Variants in RTN4RL2 observed in about 807,000 individuals in gnomAD.
The protein encoded by RTN4RL2 is reticulon 4 receptor like 2.
In RTN4RL2, 9 loss-of-function variants were observed where a neutral mutation model predicts 27.8. The observed-to-expected ratio is 0.32, with a 90% CI of 0.20 to 0.57. The LOEUF is 0.57. Ranked by LOEUF, RTN4RL2 falls within the 20% of genes least tolerant of loss-of-function variation. The pLI, the probability that RTN4RL2 is intolerant of heterozygous loss-of-function variation, is 0.90. For missense variants in RTN4RL2, 436 were observed against 596.8 expected (o/e 0.73, Z 2.81); for synonymous variants, 285 against 297.9 (o/e 0.96, Z 0.45).
intron 2 of RTN4RL2, among the ~76,000 whole-genome samples, chr11:57,472,875 G>C (rs1024080588): frequency 6.6e-6 from 1 of 152,210 alleles, no homozygotes. Flanking sequence ...TCTGACTCCA[G>C]AGTGCAGTTG....
chr11:57,464,102 G>C (rs1337295046), intron 1 of RTN4RL2, among the ~76,000 whole-genome samples: 3 of 152,258 alleles, frequency 2.0e-5, no homozygotes, highest in Admixed American at 6.5e-5. Flanking sequence ...GCTCTTCAGA[G>C]AGCCTGCAGG....
At chr11:57,465,835 A>G (rs1312454477) in intron 1 of RTN4RL2, among the ~76,000 whole-genome samples, 3 of 151,406 alleles carry the variant, frequency 2.0e-5, no homozygotes, top group African/African-American at 7.3e-5. Flanking sequence ...CCAACCTTCA[A>G]AAGTTACTTT....
At chr11:57,468,570 G>A (rs1482896599) in intron 2 of RTN4RL2, 2 of 1,536,678 alleles carry the variant, frequency 1.3e-6, no homozygotes, top group Non-Finnish European at 1.7e-6. Flanking sequence ...AGGGTCCCCT[G>A]CCCAAAGGCC....
At chr11:57,465,034 CGCACCGACGCA>C (rs959601466) in intron 1 of RTN4RL2, among the ~76,000 whole-genome samples, 149 of 152,288 alleles carry the variant, frequency 9.8e-4, no homozygotes, top group African/African-American at 2.8e-3. Flanking sequence ...ACAGCCAGCA[CGCACCGACGCA>C]GCACCGACGC....
intron 2 of RTN4RL2, among the ~76,000 whole-genome samples, chr11:57,472,274 C>T (rs1224999958): frequency 3.9e-5 from 6 of 151,926 alleles, no homozygotes; most frequent in Admixed American, 6.6e-5. Context: ...AGTGCAGTGG[C>T]GCAATCTTGG....
intron 2 of RTN4RL2, 62 bp downstream of exon 2, chr11:57,468,152 T>G: frequency 6.6e-7 from 1 of 1,521,570 alleles, no homozygotes; most frequent in Non-Finnish European, 8.8e-7. Context: ...TGGGCCCCTC[T>G]GCTCCCCGAC....
At chr11:57,464,492 G>C (rs1192432289) in intron 1 of RTN4RL2, among the ~76,000 whole-genome samples, 1 of 152,178 alleles carries the variant, frequency 6.6e-6, no homozygotes, top group African/African-American at 2.4e-5. Flanking sequence ...AGAAGGATTT[G>C]GCTTCTTTTG....
chr11:57,468,232 A>G (rs750839523), intron 2 of RTN4RL2, 142 bp downstream of exon 2: 7 of 923,502 alleles, frequency 7.6e-6, no homozygotes, highest in Admixed American at 2.4e-5. Flanking sequence ...CTCTCTGTCT[A>G]TGTCTCTTTT....
chr11:57,464,186 G>T (rs1411068538), intron 1 of RTN4RL2, among the ~76,000 whole-genome samples: 1 of 152,192 alleles, frequency 6.6e-6, no homozygotes, highest in Non-Finnish European at 1.5e-5. Flanking sequence ...GGAGAGTGGG[G>T]AAAGAGAAGA....
chr11:57,464,118 C>T (rs541965042), intron 1 of RTN4RL2, among the ~76,000 whole-genome samples: 1 of 152,338 alleles, frequency 6.6e-6, no homozygotes, highest in African/African-American at 2.4e-5. Context: ...GCAGGGACCA[C>T]TATCATGGGC....
At position 57,476,043 on chromosome 11, in the gene RTN4RL2, C is replaced by T. The variant is rs542775493; in HGVS notation, c.514-119C>T. 512 of 970,026 alleles carry T rather than the reference C, an allele frequency of 5.3e-4. 5 individuals are homozygous for T. Among genetic ancestry groups the T allele is most frequent in the Non-Finnish European group, 5.3e-5 (34 of 640,710 alleles). The allele number at this position is 970,026 out of a possible 1,614,324, so 60.1% of individuals were successfully genotyped here. On this transcript the variant is annotated intron_variant, in intron 2 of 2. Transcript: ENST00000335099. The surrounding 1 kb of genome is among the most constrained non-coding windows in gnomAD (Gnocchi z 8.2). ...TCCAGGATGCTATGAATCAAAAGGTCAACCCTTTCTCTTCTGCCACGGTGC... is the reference window on the plus strand; with the variant it reads ...TCCAGGATGCTATGAATCAAAAGGTTAACCCTTTCTCTTCTGCCACGGTGC...
chr11:57,470,644 TAATAATAATTACTACTACTAC>T (rs2073162574), intron 2 of RTN4RL2, among the ~76,000 whole-genome samples: 1 of 150,350 alleles, frequency 6.7e-6, no homozygotes. Flanking sequence ...ATGGGCACTA[TAATAATAATTACTACTACTAC>T]TACTACTAAT....
intron 1 of RTN4RL2, among the ~76,000 whole-genome samples, chr11:57,464,632 C>A (rs944277523): frequency 6.6e-6 from 1 of 152,160 alleles, no homozygotes; most frequent in East Asian, 1.9e-4. Flanking sequence ...TTGGGTAAGT[C>A]GCTTGCTCTC....
chr11:57,470,822 T>G (rs1331905718), intron 2 of RTN4RL2, among the ~76,000 whole-genome samples: 1 of 152,190 alleles, frequency 6.6e-6, no homozygotes, highest in Non-Finnish European at 1.5e-5. Flanking sequence ...CTTATTTAAC[T>G]TTAAGCAGGT....
At chr11:57,469,450 AT>A (rs370434265) in intron 2 of RTN4RL2, among the ~76,000 whole-genome samples, 1,564 of 145,162 alleles carry the variant, frequency 0.011, 23 homozygotes, top group African/African-American at 0.033. Flanking sequence ...AGCGTGTGAC[AT>A]TTTTTTTTTT....
chr11:57,469,529 T>C (rs905477025), intron 2 of RTN4RL2, among the ~76,000 whole-genome samples: 3 of 152,258 alleles, frequency 2.0e-5, no homozygotes, highest in Middle Eastern at 6.8e-3. Flanking sequence ...TCCTAGGGAT[T>C]TTGAAAGCAT....
At chr11:57,469,014 G>A (rs1943545313) in intron 2 of RTN4RL2, 2 of 623,112 alleles carry the variant, frequency 3.2e-6, no homozygotes, top group Non-Finnish European at 5.7e-6. Context: ...GCTGGAAGGG[G>A]GTGAAAATAT....
chr11:57,476,299 C>T lies in RTN4RL2; in HGVS notation c.651C>T (p.Gly217=). ...TGCTGCACGGGAACCGGCTGCAGGGCGTGCACCGCGCGGCCTTCCGCGGCC... is the reference window on the plus strand; with the variant it reads ...TGCTGCACGGGAACCGGCTGCAGGGTGTGCACCGCGCGGCCTTCCGCGGCC... ...RLLLHGNRLQ[G]VHRAAFRGLS... Residue 217 remains glycine (G), a synonymous_variant, in exon 3 of 3, where the codon GGC becomes GGT. Transcript: ENST00000335099. The surrounding 1 kb of genome is among the most constrained non-coding windows in gnomAD (Gnocchi z 8.2). The T allele has an allele frequency of 1.5e-5, 24 of 1,611,618 alleles. No homozygotes were observed. The highest frequency in any genetic ancestry group is 2.0e-5 in the Non-Finnish European group (24 of 1,179,084).
intron 2 of RTN4RL2, among the ~76,000 whole-genome samples, chr11:57,470,653 T>TTACTAC (rs111564677): frequency 2.0e-5 from 3 of 151,978 alleles, no homozygotes; most frequent in African/African-American, 7.2e-5. Flanking sequence ...ATAATAATAA[T>TTACTAC]TACTACTACT....
Sources: gnomAD v4.1 joint callset for allele counts (sites outside exome capture counted in the v4.1 genomes callset) on GRCh38, gnomAD v4.1.1 for gene constraint, Gnocchi (gnomAD v3.1) non-coding constraint, MANE v1.5 for transcripts, NCBI Gene and HGNC (gene_info 2026-07-23, HGNC 2026-07-21) for gene names.